PPP3CA: variants seen among roughly 807,000 people sequenced by gnomAD.
The protein encoded by PPP3CA is protein phosphatase 3 catalytic subunit alpha, also known as CAM-PRP catalytic subunit.
In PPP3CA, 14 loss-of-function variants were observed where a neutral mutation model predicts 66.5. The ratio of observed to expected loss-of-function variants is 0.21; its 90% confidence interval spans 0.14 to 0.33. The LOEUF (loss-of-function observed/expected upper bound fraction) is 0.33. Among genes scored for constraint, PPP3CA ranks in the 10% least tolerant of loss-of-function variants. PPP3CA has a pLI of 1.00. For missense variants in PPP3CA, 317 were observed against 639.5 expected, an observed-to-expected ratio of 0.50 and a Z score of 5.44; for synonymous variants, 232 against 226.2, an observed-to-expected ratio of 1.03 and a Z score of -0.23.
intron 2 of PPP3CA, among the ~76,000 whole-genome samples, chr4:101,125,865 C>T (rs1722228461): frequency 6.6e-6 from 1 of 152,038 alleles, no homozygotes; most frequent in Non-Finnish European, 1.5e-5. Flanking sequence ...ACATTTTATT[C>T]TTTAGTTTAT....
chr4:101,239,046 T>C (rs1306490320), intron 1 of PPP3CA, among the ~76,000 whole-genome samples: 2 of 152,116 alleles, frequency 1.3e-5, no homozygotes, highest in African/African-American at 4.8e-5. Flanking sequence ...GAAAGTTTAC[T>C]GAAGGGCAGG....
intron 3 of PPP3CA, among the ~76,000 whole-genome samples, chr4:101,102,515 T>C (rs1446113814): frequency 2.0e-5 from 3 of 152,142 alleles, no homozygotes; most frequent in African/African-American, 4.8e-5. Context: ...AGAAGTGGCA[T>C]GGTAAATGAA....
chr4:101,060,799 A>G (rs1190574703), intron 10 of PPP3CA, among the ~76,000 whole-genome samples: 1 of 152,120 alleles, frequency 6.6e-6, no homozygotes, highest in African/African-American at 2.4e-5. Context: ...AAAGGATTAA[A>G]TTTGTATCAA....
intron 1 of PPP3CA, among the ~76,000 whole-genome samples, chr4:101,327,179 G>A (rs191458308): frequency 3.3e-4 from 50 of 152,164 alleles, no homozygotes; most frequent in Admixed American, 1.4e-3. Context: ...AATAATTTAC[G>A]CACATTTCCA....
intron 8 of PPP3CA, among the ~76,000 whole-genome samples, chr4:101,078,142 T>G (rs1484719458): frequency 1.3e-5 from 2 of 152,150 alleles, no homozygotes; most frequent in Non-Finnish European, 2.9e-5. Flanking sequence ...TAAAAAATCT[T>G]AATGCCATAG....
intron 1 of PPP3CA, among the ~76,000 whole-genome samples, chr4:101,268,125 T>A (rs932433754): frequency 6.6e-6 from 1 of 152,022 alleles, no homozygotes; most frequent in Non-Finnish European, 1.5e-5. Flanking sequence ...TGAGCTATGA[T>A]TGTGCCACTG....
intron 1 of PPP3CA, among the ~76,000 whole-genome samples, chr4:101,240,039 T>TGGGG (rs1252595684): frequency 1.4e-5 from 1 of 70,130 alleles, no homozygotes; most frequent in African/African-American, 3.7e-5. Flanking sequence ...GGTTTTTTTT[T>TGGGG]GGGGGGAGCG....
chr4:101,293,869 T>C (rs1468802026), intron 1 of PPP3CA, among the ~76,000 whole-genome samples: 1 of 152,230 alleles, frequency 6.6e-6, no homozygotes, highest in East Asian at 1.9e-4. Context: ...TTTTTTTCTC[T>C]ATCTCTCTTT....
chr4:101,253,722 A>G (rs569261555), intron 1 of PPP3CA, among the ~76,000 whole-genome samples: 8 of 152,126 alleles, frequency 5.3e-5, no homozygotes, highest in African/African-American at 9.7e-5. Flanking sequence ...CATGACTTAT[A>G]TAAGAGCTTA....
intron 1 of PPP3CA, among the ~76,000 whole-genome samples, chr4:101,311,345 T>C (rs1027311410): frequency 6.6e-6 from 1 of 152,208 alleles, no homozygotes; most frequent in Non-Finnish European, 1.5e-5. Context: ...AGCTTGATAG[T>C]ATTATCCCTA....
At chr4:101,318,355 TC>T (rs1330726922) in intron 1 of PPP3CA, among the ~76,000 whole-genome samples, 1 of 152,170 alleles carries the variant, frequency 6.6e-6, no homozygotes, top group East Asian at 1.9e-4. Context: ...AAAATGACTT[TC>T]CCATGAAAGG....
At chr4:101,207,783 A>C (rs1725179554) in intron 1 of PPP3CA, among the ~76,000 whole-genome samples, 1 of 152,026 alleles carries the variant, frequency 6.6e-6, no homozygotes, top group Non-Finnish European at 1.5e-5. Context: ...CTGAGATCAC[A>C]CCACTGCAAT....
At chr4:101,098,273 G>A (rs2110253500) in intron 5 of PPP3CA, 94 bp downstream of exon 5, 3 of 1,322,378 alleles carry the variant, frequency 2.3e-6, no homozygotes, top group South Asian at 1.7e-5. Flanking sequence ...GAACTCAAAA[G>A]AATAAAGTCA....
intron 1 of PPP3CA, among the ~76,000 whole-genome samples, chr4:101,245,065 A>C (rs988603304): frequency 6.6e-6 from 1 of 152,188 alleles, no homozygotes; most frequent in East Asian, 1.9e-4. Flanking sequence ...ATTCGTGAAT[A>C]GTTTTTCCAT....
At chr4:101,178,452 T>G (rs1255042247) in intron 2 of PPP3CA, among the ~76,000 whole-genome samples, 2 of 152,126 alleles carry the variant, frequency 1.3e-5, no homozygotes, top group Non-Finnish European at 2.9e-5. Flanking sequence ...TTATTTAAAA[T>G]CATGGTCATA....
chr4:101,241,486 A>C (rs961566699), intron 1 of PPP3CA, among the ~76,000 whole-genome samples: 2 of 152,134 alleles, frequency 1.3e-5, no homozygotes, highest in Admixed American at 6.6e-5. Flanking sequence ...TTTTAAAATA[A>C]TTTCTAAACC....
At chr4:101,323,713 C>T (rs1416256977) in intron 1 of PPP3CA, among the ~76,000 whole-genome samples, 1 of 152,148 alleles carries the variant, frequency 6.6e-6, no homozygotes, top group Admixed American at 6.5e-5. Context: ...TTATATAGCA[C>T]TTAGTATGTG....
At chr4:101,151,781 C>T (rs1370029396) in intron 2 of PPP3CA, among the ~76,000 whole-genome samples, 3 of 150,300 alleles carry the variant, frequency 2.0e-5, no homozygotes, top group Admixed American at 6.6e-5. Context: ...CTCAGCCTCC[C>T]GAGTAGCTGG....
intron 1 of PPP3CA, among the ~76,000 whole-genome samples, chr4:101,250,020 C>A (rs1293869798): frequency 2.0e-5 from 3 of 151,996 alleles, no homozygotes; most frequent in Middle Eastern, 3.4e-3. Flanking sequence ...ACTTCTGAAA[C>A]GCTGTATAAG....
Sources: allele counts gnomAD v4.1 joint callset (sites outside exome capture counted in the v4.1 genomes callset), GRCh38; gene constraint gnomAD v4.1.1; transcripts MANE v1.5; gene names NCBI Gene and HGNC (gene_info 2026-07-23, HGNC 2026-07-21).